Variants in DSCAM observed in about 807,000 individuals in gnomAD.
DSCAM encodes DS cell adhesion molecule, also known as cell adhesion molecule DSCAM.
A neutral mutation model predicts 217.7 loss-of-function variants in DSCAM; 47 were observed. That is an observed-to-expected ratio of 0.22 (90% confidence interval 0.17 to 0.28). The LOEUF (loss-of-function observed/expected upper bound fraction) is 0.28, where lower values mean the gene tolerates loss of function less well. DSCAM is among the 10% of genes least tolerant of loss of function. DSCAM has a pLI of 1.00. For synonymous variants in DSCAM, 1,056 were observed against 1,015.3 expected (o/e 1.04, Z -0.76); for missense variants, 2,080 against 2,618.3 (o/e 0.79, Z 4.49).
intron 26 of DSCAM, among the ~76,000 whole-genome samples, chr21:40,077,566 A>T (rs767301280): frequency 9.9e-5 from 15 of 152,162 alleles, no homozygotes; most frequent in Non-Finnish European, 1.5e-4. Flanking sequence ...TCCCAAATGC[A>T]CAAAGTAAAG....
At chr21:40,659,505 A>G (rs891848176) in intron 3 of DSCAM, among the ~76,000 whole-genome samples, 3 of 151,942 alleles carry the variant, frequency 2.0e-5, no homozygotes, top group Admixed American at 6.6e-5. Flanking sequence ...TCTATTATCT[A>G]TCTATCTATC....
chr21:40,061,398 G>A (rs1013548129), intron 28 of DSCAM, among the ~76,000 whole-genome samples: 22 of 151,854 alleles, frequency 1.4e-4, no homozygotes, highest in African/African-American at 5.1e-4. Flanking sequence ...GTGAAACTCT[G>A]TCTCTACTAA....
intron 3 of DSCAM, among the ~76,000 whole-genome samples, chr21:40,565,709 T>C (rs2076759071): frequency 6.6e-6 from 1 of 152,188 alleles, no homozygotes; most frequent in Non-Finnish European, 1.5e-5. Flanking sequence ...CCATATTGCC[T>C]GTCCACATGC....
chr21:40,313,251 C>A (rs1163570610), intron 8 of DSCAM, among the ~76,000 whole-genome samples: 1 of 151,904 alleles, frequency 6.6e-6, no homozygotes, highest in Non-Finnish European at 1.5e-5. Flanking sequence ...TACTTTGCAT[C>A]TCTTAGTTTT....
intron 3 of DSCAM, among the ~76,000 whole-genome samples, chr21:40,677,092 T>C (rs1016614499): frequency 7.2e-5 from 11 of 152,322 alleles, no homozygotes; most frequent in South Asian, 2.1e-4. Flanking sequence ...CTTTCTTTCC[T>C]AGTATCATCT....
chr21:40,483,945 T>C (rs931560288), intron 3 of DSCAM, among the ~76,000 whole-genome samples: 3 of 152,220 alleles, frequency 2.0e-5, no homozygotes, highest in African/African-American at 7.2e-5. Flanking sequence ...TGAGGAAGTA[T>C]TTTTAATTTT....
At chr21:40,352,805 A>G (rs896388077) in intron 5 of DSCAM, among the ~76,000 whole-genome samples, 3 of 152,182 alleles carry the variant, frequency 2.0e-5, no homozygotes, top group African/African-American at 7.2e-5. Flanking sequence ...AGGGTGGTTG[A>G]GTAGATTAGA....
intron 24 of DSCAM, among the ~76,000 whole-genome samples, chr21:40,081,560 T>C (rs2089458418): frequency 6.6e-6 from 1 of 152,082 alleles, no homozygotes. Context: ...CTTCAGTACC[T>C]GACAGGTGAT....
intron 3 of DSCAM, chr21:40,615,528 G>A (rs1156755472): frequency 6.6e-6 from 1 of 151,922 alleles, no homozygotes; most frequent in Non-Finnish European, 1.5e-5. Context: ...AGACAACATG[G>A]CTAAATATTC....
chr21:40,299,520 G>A (rs1403071459), intron 9 of DSCAM, among the ~76,000 whole-genome samples: 1 of 152,090 alleles, frequency 6.6e-6, no homozygotes, highest in Non-Finnish European at 1.5e-5. Context: ...CAAAATTAGA[G>A]GTGATGGATT....
At chr21:40,445,936 T>C (rs2075671255) in intron 3 of DSCAM, among the ~76,000 whole-genome samples, 4 of 152,232 alleles carry the variant, frequency 2.6e-5, no homozygotes. Context: ...TCTAGGAAAC[T>C]GGTTTCTGTA....
At chr21:40,833,265 T>C (rs1805337086) in intron 1 of DSCAM, among the ~76,000 whole-genome samples, 2 of 152,162 alleles carry the variant, frequency 1.3e-5, no homozygotes, top group South Asian at 4.1e-4. Context: ...GGTTTCAATA[T>C]TTCCCAGAGG....
At chr21:40,626,082 A>G (rs1027578544) in intron 3 of DSCAM, among the ~76,000 whole-genome samples, 4 of 152,214 alleles carry the variant, frequency 2.6e-5, no homozygotes, top group Non-Finnish European at 4.4e-5. Context: ...CAGATACAGA[A>G]CCCAAAATAA....
At chr21:40,837,532 C>T (rs2092066839) in intron 1 of DSCAM, among the ~76,000 whole-genome samples, 2 of 152,212 alleles carry the variant, frequency 1.3e-5, no homozygotes, top group South Asian at 4.1e-4. Flanking sequence ...TTGGGTGAGT[C>T]ATAACAGACA....
chr21:40,589,764 G>A (rs988859703), intron 3 of DSCAM, among the ~76,000 whole-genome samples: 1 of 152,178 alleles, frequency 6.6e-6, no homozygotes, highest in Non-Finnish European at 1.5e-5. Context: ...AATCTAGCAT[G>A]TGCGGTCATT....
At chr21:40,789,913 C>T (rs770352908) in intron 1 of DSCAM, among the ~76,000 whole-genome samples, 12 of 152,092 alleles carry the variant, frequency 7.9e-5, no homozygotes, top group Non-Finnish European at 1.2e-4. Context: ...AGAATTCTAC[C>T]GTTAGGAGTC....
At chr21:40,359,017 G>C (rs2074728115) in intron 4 of DSCAM, among the ~76,000 whole-genome samples, 2 of 151,974 alleles carry the variant, frequency 1.3e-5, no homozygotes, top group Non-Finnish European at 2.9e-5. Flanking sequence ...TACCTAATCA[G>C]TACACAAAAA....
intron 3 of DSCAM, among the ~76,000 whole-genome samples, chr21:40,434,635 C>A (rs2075566712): frequency 6.6e-6 from 1 of 152,080 alleles, no homozygotes; most frequent in African/African-American, 2.4e-5. Flanking sequence ...AATAATTAAA[C>A]AAAATAATGC....
intron 6 of DSCAM, among the ~76,000 whole-genome samples, chr21:40,342,642 ATATATATT>A (rs1328907210): frequency 1.0e-5 from 1 of 95,500 alleles, no homozygotes; most frequent in African/African-American, 4.4e-5. Flanking sequence ...ATATATATAT[ATATATATT>A]TTTTTTTTTT....
Sources: gnomAD v4.1 joint callset for allele counts (sites outside exome capture counted in the v4.1 genomes callset) on GRCh38, gnomAD v4.1.1 for gene constraint, MANE v1.5 for transcripts, NCBI Gene and HGNC (gene_info 2026-07-23, HGNC 2026-07-21) for gene names.